TNPO2: variants seen among roughly 807,000 people sequenced by gnomAD.
TNPO2 encodes transportin-2.
TNPO2 carries 16 observed loss-of-function variants against 111.1 expected under a neutral mutation model. The observed-to-expected ratio is 0.14, with a 90% confidence interval of 0.10 to 0.22. The LOEUF is 0.22. Among genes scored for constraint, TNPO2 ranks in the 10% least tolerant of loss-of-function variants. The pLI is 1.00. For synonymous variants in TNPO2, 481 were observed against 475.8 expected, an observed-to-expected ratio of 1.01 and a Z score of -0.14; for missense variants, 530 against 1,173.7, an observed-to-expected ratio of 0.45 and a Z score of 8.01.
Position 12,706,110 on chromosome 19 carries a change from C to G in TNPO2, c.1668+86G>C. ...GCCTGTCGAGGTCACGGCCACGTCC[C>G]TGGCGTGCAACACGGGGTTGCCACC... On this transcript the variant is annotated intron_variant, in intron 15 of 25. Transcript: ENST00000425528. The surrounding 1 kb of genome is among the most constrained non-coding windows in gnomAD (Gnocchi z 7.0). 1 of 1,490,304 alleles carries G rather than the reference C, an allele frequency of 6.7e-7. No homozygotes were observed. The highest frequency in any genetic ancestry group is 1.3e-5 in the South Asian group (1 of 78,828). The allele number at this position is 1,490,304 out of a possible 1,614,324, so 92.3% of individuals were successfully genotyped here.
At position 12,711,603 on chromosome 19, in the gene TNPO2, T is replaced by C. The variant is rs1422765999; in HGVS notation, c.901A>G (p.Ile301Val). 2.5e-6 allele frequency: 4 copies of C among 1,613,340 alleles called. No individual in the cohort carries two copies. The African/African-American group carries it at 4.0e-5, about 16-fold the overall frequency. The change falls in exon 11 of 26, where the codon ATC becomes GTC. Residue 301 changes from isoleucine (I) to valine (V), a missense_variant. This residue lies in a region of TNPO2 where 156 missense variants were observed against 405.8 expected (regional missense o/e 0.38). Coordinates refer to ENST00000425528, the MANE Select transcript of TNPO2 (RefSeq NM_001382241.1). Reference protein sequence around the residue: ...LASHLVQLIPILVNGMKYSEI... With the variant: ...LASHLVQLIPVLVNGMKYSEI... ...GAGTACTTCATCCCATTCACCAAGA[T>C]GGGGATCAACCTGCACAGAGAGGGA... is the stretch of plus-strand genomic sequence containing the variant.
intron 18 of TNPO2, among the ~76,000 whole-genome samples, chr19:12,704,179 C>A (rs2025489082): frequency 6.6e-6 from 1 of 152,152 alleles, no homozygotes; most frequent in African/African-American, 2.4e-5. Flanking sequence ...CCAGCCTGGC[C>A]AACATGGCAA....
Position 12,721,261 on chromosome 19 carries a change from A to G in TNPO2, c.-13-271T>C. The G allele has an allele frequency of 6.9e-6, 9 of 1,297,040 alleles. No homozygotes were observed. Among genetic ancestry groups the G allele is most frequent in the Non-Finnish European group, 6.9e-6 (7 of 1,017,534 alleles). The allele number at this position is 1,297,040 out of a possible 1,614,324, so 80.3% of individuals were successfully genotyped here. Reference sequence around the variant, plus strand: ...GGCCCGGCGGATCCTCATGGGACCCAGCGAAGAGCCCTCGTCCCAGGGTGG... The same window carrying G: ...GGCCCGGCGGATCCTCATGGGACCCGGCGAAGAGCCCTCGTCCCAGGGTGG... On this transcript the variant is annotated intron_variant, in intron 2 of 25. Coordinates refer to ENST00000425528, the MANE Select transcript of TNPO2 (RefSeq NM_001382241.1). This position sits in a 1 kb window ranked among gnomAD's most constrained non-coding sequence, Gnocchi z 4.9.
At chr19:12,711,508 A>G (rs989966326) in intron 11 of TNPO2, 45 bp downstream of exon 11, 4 of 1,613,806 alleles carry the variant, frequency 2.5e-6, no homozygotes. Flanking sequence ...CACAGCCGCG[A>G]CACCCACGCC....
In TNPO2 at chr19:12,720,842, A is replaced by C. The variant is rs1296719272; in HGVS notation, c.99+37T>G. ...TGGCCTTTGGAAACTGCACGCATCT[A>C]CCCGGCTCCCCCAGCCCCGGAAGGA... is the stretch of plus-strand genomic sequence containing the variant. On this transcript the variant is annotated intron_variant, in intron 3 of 25. Coordinates refer to ENST00000425528, the MANE Select transcript of TNPO2 (RefSeq NM_001382241.1). 4 of 1,554,104 alleles carry C rather than the reference A, an allele frequency of 2.6e-6. No homozygotes were observed. The Admixed American group carries it at 7.8e-5, about 30-fold the overall frequency.
Position 12,723,375 on chromosome 19 carries a change from G to C in TNPO2, c.-130-10C>G, listed in dbSNP as rs1967131606. 2.0e-5 allele frequency: 3 copies of C among 152,116 alleles called. No homozygotes were observed. The allele number at this position is 152,116 out of a possible 1,614,324, so 9.4% of individuals were successfully genotyped here. A position where few individuals can be genotyped will look rare whatever the true frequency, so the allele number is the denominator to read the frequency against. ...CACCGTTTTTCCTTCTCTTGAGAGA[G>C]GAGCAGATGGTAAAAAGCTGGAGAC... On this transcript the variant is annotated splice_polypyrimidine_tract_variant and intron_variant, in intron 1 of 25. Coordinates refer to ENST00000425528, the MANE Select transcript of TNPO2 (RefSeq NM_001382241.1).
Position 12,715,290 on chromosome 19 carries a change from T to C in TNPO2, c.601A>G (p.Met201Val), listed in dbSNP as rs1040421615. ...TCCATCAGCGCCTGGGCCCGGTCCA[T>C]GATGAACTGGTTCACGCAGGCGATG... ...HAIACVNQFIMDRAQALMDNI... is the reference protein window; with the variant it reads ...HAIACVNQFIVDRAQALMDNI... Residue 201 changes from methionine to valine, a missense_variant, in exon 8 of 26, where the codon ATG (methionine) becomes GTG (valine). Coordinates refer to ENST00000425528, the MANE Select transcript of TNPO2 (RefSeq NM_001382241.1). This position sits in a 1 kb window ranked among gnomAD's most constrained non-coding sequence, Gnocchi z 7.1. The C allele has an allele frequency of 1.9e-6, 3 of 1,613,484 alleles. No individual in the cohort carries two copies. The highest frequency in any genetic ancestry group is 1.3e-5 in the African/African-American group (1 of 74,842).
At position 12,702,011 on chromosome 19, in the gene TNPO2, G is replaced by A. The variant is rs1221968234; in HGVS notation, c.2411+61C>T. The A allele has an allele frequency of 1.4e-5, 21 of 1,535,616 alleles. No individual in the cohort carries two copies. The highest frequency in any genetic ancestry group is 6.7e-5 in the Admixed American group (4 of 59,690). On this transcript the variant is annotated intron_variant, in intron 22 of 25. Transcript: ENST00000425528. This position sits in a 1 kb window ranked among gnomAD's most constrained non-coding sequence, Gnocchi z 5.5. ...CAGATGGGGCTGGAAATGCACAGGC[G>A]AGGGAGGGGGTTGGGCCAGTCCCGC...
At chr19:12,704,711 C>T (rs551065712) in intron 18 of TNPO2, among the ~76,000 whole-genome samples, 1 of 152,006 alleles carries the variant, frequency 6.6e-6, no homozygotes, top group Non-Finnish European at 1.5e-5. Context: ...AAGACAGAGT[C>T]TCAGTTTATT....
In TNPO2 at chr19:12,705,660, T is replaced by A; in HGVS notation, c.1755+22A>T. On this transcript the variant is annotated intron_variant, in intron 16 of 25. Coordinates refer to ENST00000425528, the MANE Select transcript of TNPO2 (RefSeq NM_001382241.1). This position sits in a 1 kb window ranked among gnomAD's most constrained non-coding sequence, Gnocchi z 7.2. ...CAGGGTGGGCAGGATGGGTTTCGGG[T>A]GAGGGGCAGGAGCCCACTCACCTCC... The A allele has an allele frequency of 6.4e-7, 1 of 1,554,206 alleles. No individual in the cohort carries two copies. Among genetic ancestry groups the A allele is most frequent in the Non-Finnish European group, 8.7e-7 (1 of 1,146,364 alleles).
At position 12,701,752 on chromosome 19, in the gene TNPO2, C is replaced by G; in HGVS notation, c.2511G>C (p.Gln837His). 1 of 1,613,818 alleles carries G rather than the reference C, an allele frequency of 6.2e-7. No individual in the cohort carries two copies. Among genetic ancestry groups the G allele is most frequent in the East Asian group, 2.2e-5 (1 of 44,888 alleles). The change falls in exon 23 of 26, where the codon CAG (glutamine) becomes CAC (histidine). Residue 837 changes from glutamine (Q) to histidine (H), a missense_variant and splice_region_variant. Coordinates refer to ENST00000425528, the MANE Select transcript of TNPO2 (RefSeq NM_001382241.1). This position sits in a 1 kb window ranked among gnomAD's most constrained non-coding sequence, Gnocchi z 5.0. ...MIGVNPGGVV[Q>H]DFIFFCDAVA... ...GCCCTCAGAGCCCAGCTGCCCCAAC[C>G]TGCACAACGCCCCCCGGGTTGACAC...
Position 12,703,431 on chromosome 19 carries a change from T to C in TNPO2, c.2206A>G (p.Met736Val). Residue 736 changes from methionine to valine, a missense_variant, in exon 20 of 26, where the codon ATG becomes GTG. Met to Val is a conservative substitution (Grantham distance 21). Around this residue, in one of 4 missense-constraint regions of TNPO2, gnomAD observed 183 missense variants for 481.0 expected, o/e 0.38. Transcript: ENST00000425528. Reference sequence around the variant, plus strand: ...TTGCCACTTGCAGGGCACTCACCCATCTGCATGCAGATTTCACCAATGGCC... The same window carrying C: ...TTGCCACTTGCAGGGCACTCACCCACCTGCATGCAGATTTCACCAATGGCC... ...TWAIGEICMQ[M>V]GAEMQPYVQM... 1 of 1,613,750 alleles carries C rather than the reference T, an allele frequency of 6.2e-7. No homozygotes were observed. Among genetic ancestry groups the C allele is most frequent in the Non-Finnish European group, 8.5e-7 (1 of 1,179,824 alleles).
chr19:12,709,594 T>G (rs2025917526), intron 13 of TNPO2, among the ~76,000 whole-genome samples: 2 of 151,768 alleles, frequency 1.3e-5, no homozygotes, highest in African/African-American at 4.8e-5. Flanking sequence ...AGCCTCCCAG[T>G]TAGTTGGGAC....
Position 12,705,462 on chromosome 19 carries a change from A to T in TNPO2, c.1863+30T>A. On this transcript the variant is annotated intron_variant, in intron 17 of 25. Coordinates refer to ENST00000425528, the MANE Select transcript of TNPO2 (RefSeq NM_001382241.1). This position sits in a 1 kb window ranked among gnomAD's most constrained non-coding sequence, Gnocchi z 7.2. ...CAGGCCCGAGGCAGGCCAATGCAGA[A>T]GCACAGGTGACGGGCCTAGGGTTGC... 1 of 1,578,516 alleles carries T rather than the reference A, an allele frequency of 6.3e-7. No individual in the cohort carries two copies. Among genetic ancestry groups the T allele is most frequent in the Non-Finnish European group, 8.6e-7 (1 of 1,162,178 alleles).
intron 13 of TNPO2, among the ~76,000 whole-genome samples, chr19:12,709,628 G>A (rs888280209): frequency 1.3e-5 from 2 of 149,914 alleles, no homozygotes; most frequent in African/African-American, 2.5e-5. Context: ...CACCACGCCG[G>A]CTAATTTTAT....
At chr19:12,709,236 C>G (rs1437578517) in intron 13 of TNPO2, among the ~76,000 whole-genome samples, 1 of 151,564 alleles carries the variant, frequency 6.6e-6, no homozygotes, top group Non-Finnish European at 1.5e-5. Context: ...GTGGCATGCA[C>G]CTGTAGTCCC....
Position 12,701,768 on chromosome 19 carries a change from G to A in TNPO2, c.2495C>T (p.Pro832Leu), listed in dbSNP as rs1333486841. The A allele has an allele frequency of 1.2e-6, 2 of 1,613,746 alleles. No individual in the cohort carries two copies. Among genetic ancestry groups the A allele is most frequent in the Non-Finnish European group, 1.7e-6 (2 of 1,179,802 alleles). The change falls in exon 23 of 26, where the codon CCG (proline) becomes CTG (leucine). Residue 832 changes from proline (P) to leucine (L), a missense_variant. Coordinates refer to ENST00000425528, the MANE Select transcript of TNPO2 (RefSeq NM_001382241.1). This position sits in a 1 kb window ranked among gnomAD's most constrained non-coding sequence, Gnocchi z 5.0. ...TGCCCCAACCTGCACAACGCCCCCC[G>A]GGTTGACACCGATCATCATGCAGAT... ...RGICMMIGVNPGGVVQDFIFF... is the reference protein window; with the variant it reads ...RGICMMIGVNLGGVVQDFIFF...
chr19:12,711,660 A>T, intron 10 of TNPO2, 47 bp from the exon 11 acceptor site: 2 of 1,569,164 alleles, frequency 1.3e-6, no homozygotes, highest in Non-Finnish European at 1.7e-6. Context: ...CCGTGGCAAA[A>T]GTTGGGGGGA....
rs1301312223 is a variant in TNPO2, at chr19:12,701,340, G to A, written c.*6C>T. ...AGTCTCCTTACCTGGCAGTCTCCATGATCACCTAGACCCCATAGAAAGCCG... is the reference window on the plus strand; with the variant it reads ...AGTCTCCTTACCTGGCAGTCTCCATAATCACCTAGACCCCATAGAAAGCCG... On this transcript the variant is annotated 3_prime_UTR_variant, in exon 25 of 26. Transcript: ENST00000425528. This position sits in a 1 kb window ranked among gnomAD's most constrained non-coding sequence, Gnocchi z 5.0. 6.2e-7 allele frequency: 1 copy of A among 1,610,304 alleles called. No homozygotes were observed. The highest frequency in any genetic ancestry group is 1.3e-5 in the African/African-American group (1 of 74,848).
Sources: allele counts gnomAD v4.1 joint callset (sites outside exome capture counted in the v4.1 genomes callset), GRCh38; gene constraint gnomAD v4.1.1; regional missense constraint gnomAD v4.1.1; non-coding constraint Gnocchi (gnomAD v3.1); transcripts MANE v1.5; gene names NCBI Gene and HGNC (gene_info 2026-07-23, HGNC 2026-07-21).